SNTG1: variants seen among roughly 807,000 people sequenced by gnomAD.
The protein encoded by SNTG1 is gamma-1-syntrophin.
SNTG1 carries 39 observed loss-of-function variants against 74.7 expected under a neutral mutation model. The observed-to-expected ratio is 0.52, with a 90% CI of 0.40 to 0.68. SNTG1 has a LOEUF of 0.68. SNTG1 is among the 30% of genes least tolerant of loss of function. The pLI, the probability that SNTG1 is intolerant of heterozygous loss-of-function variation, is 0.00. For synonymous variants in SNTG1, 254 were observed against 217.1 expected (o/e 1.17, Z -1.49); for missense variants, 685 against 609.5 (o/e 1.12, Z -1.30).
chr8:50,218,036 T>C (rs2084881055), intron 2 of SNTG1, among the ~76,000 whole-genome samples: 2 of 152,228 alleles, frequency 1.3e-5, no homozygotes, highest in South Asian at 4.1e-4. Flanking sequence ...TGAAATTTCA[T>C]GGCTTCAAAA....
At chr8:50,153,883 C>G (rs112563337) in intron 1 of SNTG1, among the ~76,000 whole-genome samples, 12,337 of 152,168 alleles carry the variant, frequency 0.081, 1,633 homozygotes, top group African/African-American at 0.28. Flanking sequence ...TCTGTCTGTT[C>G]TCAGATATCG....
chr8:50,741,929 T>C (rs1585686651), intron 17 of SNTG1, among the ~76,000 whole-genome samples: 1 of 151,978 alleles, frequency 6.6e-6, no homozygotes, highest in South Asian at 2.1e-4. Context: ...TGCAAGACAC[T>C]GTAATGGTAG....
At chr8:50,070,765 C>T (rs758026781) in intron 1 of SNTG1, among the ~76,000 whole-genome samples, 1 of 152,126 alleles carries the variant, frequency 6.6e-6, no homozygotes, top group Non-Finnish European at 1.5e-5. Context: ...TTATTTTATC[C>T]AATCAATGTG....
intron 15 of SNTG1, among the ~76,000 whole-genome samples, chr8:50,690,456 C>T (rs1363961962): frequency 4.6e-5 from 7 of 152,104 alleles, no homozygotes; most frequent in Admixed American, 4.6e-4. Context: ...TGTCTTTGTT[C>T]TCGTTGCTTT....
At chr8:50,414,474 T>C (rs1245981232) in intron 4 of SNTG1, among the ~76,000 whole-genome samples, 2 of 152,234 alleles carry the variant, frequency 1.3e-5, no homozygotes, top group Admixed American at 1.3e-4. Flanking sequence ...ACGGTGCCTC[T>C]CCTGTCCTGC....
intron 18 of SNTG1, among the ~76,000 whole-genome samples, chr8:50,783,414 C>T (rs2131841597): frequency 6.6e-6 from 1 of 152,350 alleles, no homozygotes; most frequent in East Asian, 1.9e-4. Flanking sequence ...GGCGCCCCTC[C>T]CCCAGCCTCA....
At chr8:50,236,504 G>A (rs1229328784) in intron 2 of SNTG1, among the ~76,000 whole-genome samples, 1 of 146,738 alleles carries the variant, frequency 6.8e-6, no homozygotes, top group African/African-American at 2.5e-5. Context: ...AGGCTGGAGT[G>A]CAGTGGCGCT....
chr8:49,931,665 A>G (rs530279455), intron 1 of SNTG1, among the ~76,000 whole-genome samples: 3 of 152,340 alleles, frequency 2.0e-5, no homozygotes, highest in Admixed American at 6.5e-5. Context: ...AAACAAAATC[A>G]ATATCGGTAT....
At chr8:50,514,136 T>C (rs1486998989) in intron 9 of SNTG1, among the ~76,000 whole-genome samples, 1 of 152,236 alleles carries the variant, frequency 6.6e-6, no homozygotes, top group Admixed American at 6.5e-5. Context: ...TCGTCAATAT[T>C]GTTGATCTTT....
intron 1 of SNTG1, among the ~76,000 whole-genome samples, chr8:50,100,033 C>T (rs749399877): frequency 9.2e-5 from 14 of 151,780 alleles, no homozygotes; most frequent in East Asian, 5.8e-4. Flanking sequence ...CAATAGATGA[C>T]GGACAATGCA....
At chr8:50,215,201 C>T (rs964785906) in intron 2 of SNTG1, among the ~76,000 whole-genome samples, 1 of 151,948 alleles carries the variant, frequency 6.6e-6, no homozygotes, top group East Asian at 1.9e-4. Context: ...AAAAACAGAA[C>T]AATCAGCTGA....
At chr8:50,104,229 C>G (rs1361999073) in intron 1 of SNTG1, among the ~76,000 whole-genome samples, 2 of 152,152 alleles carry the variant, frequency 1.3e-5, no homozygotes, top group Non-Finnish European at 2.9e-5. Context: ...ATTATTGCCA[C>G]AATTTCAGAG....
intron 1 of SNTG1, among the ~76,000 whole-genome samples, chr8:50,139,741 A>G (rs1447413260): frequency 6.6e-6 from 1 of 152,248 alleles, no homozygotes; most frequent in Non-Finnish European, 1.5e-5. Context: ...GGCCATTTGA[A>G]GAAACAGCTA....
At chr8:50,679,454 A>T (rs1357279922) in intron 15 of SNTG1, among the ~76,000 whole-genome samples, 1 of 152,118 alleles carries the variant, frequency 6.6e-6, no homozygotes, top group Non-Finnish European at 1.5e-5. Context: ...TAGCCACATT[A>T]TGGGGTTACT....
chr8:49,918,580 A>T (rs1032023760), intron 1 of SNTG1, among the ~76,000 whole-genome samples: 1 of 151,934 alleles, frequency 6.6e-6, no homozygotes, highest in Non-Finnish European at 1.5e-5. Context: ...ACTCTATAGA[A>T]TATTCTGTTG....
At chr8:50,016,771 G>A (rs1816357274) in intron 1 of SNTG1, among the ~76,000 whole-genome samples, 1 of 152,112 alleles carries the variant, frequency 6.6e-6, no homozygotes, top group Admixed American at 6.6e-5. Flanking sequence ...CATAAAGTGA[G>A]AAATGTCCAT....
At chr8:50,633,123 A>G (rs2095014017) in intron 13 of SNTG1, among the ~76,000 whole-genome samples, 1 of 151,278 alleles carries the variant, frequency 6.6e-6, no homozygotes. Context: ...TGTTCCTTCA[A>G]CCAGGCTATA....
chr8:50,508,973 T>A (rs981512566), intron 9 of SNTG1, among the ~76,000 whole-genome samples: 1 of 152,180 alleles, frequency 6.6e-6, no homozygotes, highest in African/African-American at 2.4e-5. Context: ...GCTTTTGGTG[T>A]TTTAGACATG....
At chr8:50,247,680 A>G (rs1452089469) in intron 2 of SNTG1, among the ~76,000 whole-genome samples, 1 of 29,686 alleles carries the variant, frequency 3.4e-5, no homozygotes, top group Non-Finnish European at 2.0e-4. Context: ...TAAAGTTTTT[A>G]GTTTTTTTTT....
Sources: allele counts gnomAD v4.1 joint callset (sites outside exome capture counted in the v4.1 genomes callset), GRCh38; gene constraint gnomAD v4.1.1; transcripts MANE v1.5; gene names NCBI Gene and HGNC (gene_info 2026-07-23, HGNC 2026-07-21).